The following DEFB118 variants were observed in gnomAD, a reference collection of about 807,000 sequenced individuals.
The protein encoded by DEFB118 is defensin beta 118, also known as defensin, beta 18.
A neutral mutation model predicts 2.8 loss-of-function variants in DEFB118; 3 were observed. That is an observed-to-expected ratio of 1.09 (90% confidence interval 0.50 to 2.82). DEFB118 has a LOEUF of 2.82. Ranked by LOEUF, DEFB118 falls within the 30% of genes most tolerant of loss-of-function variation. The pLI is 0.04. For synonymous variants in DEFB118, 63 were observed against 53.5 expected (o/e 1.18, Z -0.78); for missense variants, 159 against 144.6 (o/e 1.10, Z -0.51).
At chr20:31,369,637 G>T (rs1006360974) in intron 1 of DEFB118, among the ~76,000 whole-genome samples, 1 of 151,964 alleles carries the variant, frequency 6.6e-6, no homozygotes, top group Non-Finnish European at 1.5e-5. Flanking sequence ...TGATCCATCC[G>T]CCTCGGTCTC....
At chr20:31,368,804 C>T (rs1986162689) in intron 1 of DEFB118, 96 bp downstream of exon 1, 1 of 1,183,910 alleles carries the variant, frequency 8.4e-7, no homozygotes, top group African/African-American at 1.5e-5. Flanking sequence ...ACATGGGCAG[C>T]TCCACAGTTC....
At chr20:31,371,510 GC>G (rs1366938362) in intron 1 of DEFB118, among the ~76,000 whole-genome samples, 1 of 148,718 alleles carries the variant, frequency 6.7e-6, no homozygotes, top group African/African-American at 2.5e-5. Context: ...TCGCTCTGTT[GC>G]CCAGGCTGAA....
Position 31,373,175 on chromosome 20 carries a change from C to T in DEFB118, c.*5C>T, listed in dbSNP as rs1195951106. The T allele has an allele frequency of 1.2e-5, 20 of 1,610,586 alleles. No homozygotes were observed. Among genetic ancestry groups the T allele is most frequent in the Non-Finnish European group, 1.5e-5 (18 of 1,178,262 alleles). Reference sequence around the variant, plus strand: ...AATGTTCACCATAGCTCATGACTTCCTCTCGGCTATCACTCACCCCTGTCC... The same window carrying T: ...AATGTTCACCATAGCTCATGACTTCTTCTCGGCTATCACTCACCCCTGTCC... On this transcript the variant is annotated 3_prime_UTR_variant, in exon 2 of 2. Transcript: ENST00000253381.
intron 1 of DEFB118, among the ~76,000 whole-genome samples, chr20:31,372,356 C>T (rs1250108934): frequency 6.6e-6 from 1 of 152,104 alleles, no homozygotes; most frequent in African/African-American, 2.4e-5. Flanking sequence ...TCGAGACCAT[C>T]CTGACCAACA....
rs748677603 is a variant in DEFB118 at position 31,373,456 on chromosome 20, T to C, written c.*286T>C. 5.0e-5 allele frequency: 20 copies of C among 397,512 alleles called. No individual in the cohort carries two copies. Among genetic ancestry groups the C allele is most frequent in the Non-Finnish European group, 9.0e-5 (20 of 221,478 alleles). The allele number at this position is 397,512 out of a possible 1,614,324, so 24.6% of individuals were successfully genotyped here. A position where few individuals can be genotyped will look rare whatever the true frequency, so the allele number is the denominator to read the frequency against. ...ACAACTTCAATAGCTTAGTTAGCTA[T>C]TCCAACAACAATTTCTTCATGTATC... is the stretch of plus-strand genomic sequence containing the variant. On this transcript the variant is annotated 3_prime_UTR_variant, in exon 2 of 2. Coordinates refer to ENST00000253381, the MANE Select transcript of DEFB118 (RefSeq NM_054112.3).
chr20:31,368,854 G>A, intron 1 of DEFB118, 146 bp downstream of exon 1: 1 of 722,928 alleles, frequency 1.4e-6, no homozygotes, highest in Non-Finnish European at 2.4e-6. Flanking sequence ...TAAAACCTGG[G>A]AGTAGAGCAA....
At chr20:31,368,783 G>A (rs1350909092) in intron 1 of DEFB118, 75 bp downstream of exon 1, 1 of 1,405,442 alleles carries the variant, frequency 7.1e-7, no homozygotes, top group Non-Finnish European at 1.0e-6. Context: ...AATGTGTCAC[G>A]GTACTCCCCA....
At chr20:31,369,526 A>G (rs1182882217) in intron 1 of DEFB118, among the ~76,000 whole-genome samples, 3 of 151,442 alleles carry the variant, frequency 2.0e-5, no homozygotes, top group Non-Finnish European at 4.4e-5. Context: ...AGCAGCTGGG[A>G]TTACAGGCAT....
At chr20:31,372,758 A>C in intron 1 of DEFB118, 99 bp from the exon 2 acceptor site, 1 of 908,578 alleles carries the variant, frequency 1.1e-6, no homozygotes, top group Non-Finnish European at 1.7e-6. Context: ...TCTAATTATG[A>C]TCCACAGTGT....
At position 31,373,001 on chromosome 20, in the gene DEFB118, C is replaced by A. The variant is rs752535587; in HGVS notation, c.203C>A (p.Thr68Lys). The A allele has an allele frequency of 1.9e-6, 3 of 1,614,214 alleles. No individual in the cohort carries two copies. In the South Asian group the frequency reaches 3.3e-5, roughly 18 times the overall value. Residue 68 changes from threonine (T) to lysine (K), a missense_variant, in exon 2 of 2, where the codon ACA becomes AAA. Thr to Lys is a moderately conservative substitution (Grantham distance 78, BLOSUM62 -1). Coordinates refer to ENST00000253381, the MANE Select transcript of DEFB118 (RefSeq NM_054112.3). ...GAAGACCACAGGCGAGTTCCTGCGA[C>A]ATCTCCCACACCCTTGAGTGACTCA... ...SNEDHRRVPA[T>K]SPTPLSDSTP...
intron 1 of DEFB118, among the ~76,000 whole-genome samples, chr20:31,371,780 C>G (rs1264925246): frequency 6.6e-6 from 1 of 152,042 alleles, no homozygotes; most frequent in Non-Finnish European, 1.5e-5. Context: ...TTTTAGTGCA[C>G]CCATCACTGG....
rs1555824426 is a variant in DEFB118, at chr20:31,369,394, T to TTG, written c.58+687_58+688insGT. Among the ~76,000 whole-genome samples the TTG allele has an allele frequency of 1.2e-3, 172 of 147,564 alleles. 1 individual carries two copies. Among genetic ancestry groups the TTG allele is most frequent in the African/African-American group, 4.0e-3 (157 of 39,368 alleles). Reference sequence around the variant, plus strand: ...TATGCAGCACTCTTGTGTTTTTTTTTTTTTTTTTTTTTGAAGATGGAATCT... The same window carrying TTG: ...TATGCAGCACTCTTGTGTTTTTTTTTTGTTTTTTTTTTTTGAAGATGGAATCT... On this transcript the variant is annotated intron_variant, in intron 1 of 1. Transcript: ENST00000253381.
chr20:31,371,137 T>G (rs781407495), intron 1 of DEFB118, among the ~76,000 whole-genome samples: 22 of 152,170 alleles, frequency 1.4e-4, no homozygotes, highest in African/African-American at 4.8e-4. Flanking sequence ...CCAGTTACTC[T>G]CCACTTAACT....
intron 1 of DEFB118, among the ~76,000 whole-genome samples, chr20:31,370,782 G>C (rs536133848): frequency 6.6e-6 from 1 of 151,980 alleles, no homozygotes; most frequent in Non-Finnish European, 1.5e-5. Context: ...ACAGAGTCTC[G>C]CTCTGTTGCC....
chr20:31,368,634 C>T lies in DEFB118; in HGVS notation c.-17C>T. 1.9e-6 allele frequency: 3 copies of T among 1,613,566 alleles called. No individual in the cohort carries two copies. Among genetic ancestry groups the T allele is most frequent in the Middle Eastern group, 1.7e-4 (1 of 6,060 alleles). On this transcript the variant is annotated 5_prime_UTR_variant, in exon 1 of 2. Coordinates refer to ENST00000253381, the MANE Select transcript of DEFB118 (RefSeq NM_054112.3). Reference sequence around the variant, plus strand: ...TTCTGAACTCCTGGATCTACCACCTCCTGCTTCCCAAGGACCATGAAACTC... The same window carrying T: ...TTCTGAACTCCTGGATCTACCACCTTCTGCTTCCCAAGGACCATGAAACTC...
chr20:31,373,262 ACC>A lies in DEFB118; in HGVS notation c.*97_*98del. The A allele has an allele frequency of 9.1e-7, 1 of 1,101,182 alleles. No individual in the cohort carries two copies. The highest frequency in any genetic ancestry group is 2.5e-5 in the Admixed American group (1 of 39,342). 68.2% of individuals were successfully genotyped at this position (1,101,182 alleles called of 1,614,324 possible). A position where few individuals can be genotyped will look rare whatever the true frequency, so the allele number is the denominator to read the frequency against. ...CTGAAAACACCACAGTGACCCTCCC[ACC>A]CCCCACCAATATGTAATTCTATTAA... On this transcript the variant is annotated 3_prime_UTR_variant, in exon 2 of 2. Coordinates refer to ENST00000253381, the MANE Select transcript of DEFB118 (RefSeq NM_054112.3).
chr20:31,372,298 TC>T (rs1986222786), intron 1 of DEFB118, among the ~76,000 whole-genome samples: 1 of 152,152 alleles, frequency 6.6e-6, no homozygotes, highest in African/African-American at 2.4e-5. Context: ...ACACCTGTAA[TC>T]CCAGCACTTT....
At chr20:31,372,378 C>T (rs569068010) in intron 1 of DEFB118, among the ~76,000 whole-genome samples, 22 of 152,186 alleles carry the variant, frequency 1.4e-4, no homozygotes, top group Non-Finnish European at 2.4e-4. Flanking sequence ...GATGAAACCC[C>T]ATCTGACTAA....
rs751307943 is a variant in DEFB118 at position 31,373,193 on chromosome 20, C to T, written c.*23C>T. On this transcript the variant is annotated 3_prime_UTR_variant, in exon 2 of 2. Coordinates refer to ENST00000253381, the MANE Select transcript of DEFB118 (RefSeq NM_054112.3). ...TGACTTCCTCTCGGCTATCACTCACCCCTGTCCTCAGAGTGATAAACTAAG... is the reference window on the plus strand; with the variant it reads ...TGACTTCCTCTCGGCTATCACTCACTCCTGTCCTCAGAGTGATAAACTAAG... The T allele has an allele frequency of 6.2e-7, 1 of 1,601,974 alleles. No homozygotes were observed. Among genetic ancestry groups the T allele is most frequent in the Non-Finnish European group, 8.5e-7 (1 of 1,173,086 alleles).
Sources: allele counts gnomAD v4.1 joint callset (sites outside exome capture counted in the v4.1 genomes callset), GRCh38; gene constraint gnomAD v4.1.1; transcripts MANE v1.5; gene names NCBI Gene and HGNC (gene_info 2026-07-23, HGNC 2026-07-21).